Variants in MAML3 observed in about 807,000 individuals in gnomAD.
MAML3 encodes mastermind like transcriptional coactivator 3, also known as mastermind-like protein 3.
MAML3 carries 27 observed loss-of-function variants against 101.9 expected under a neutral mutation model. The ratio of observed to expected loss-of-function variants is 0.27; its 90% CI spans 0.20 to 0.37. The LOEUF (loss-of-function observed/expected upper bound fraction) is 0.37. Ranked by LOEUF, MAML3 falls within the 10% of genes least tolerant of loss-of-function variation. The probability of loss-of-function intolerance (pLI) is 1.00; values close to 1 mark genes in which losing one functional copy is unlikely to be tolerated. For missense variants in MAML3, 1,316 were observed against 1,444.9 expected, an observed-to-expected ratio of 0.91 and a Z score of 1.45; for synonymous variants, 501 against 555.9, an observed-to-expected ratio of 0.90 and a Z score of 1.39.
chr4:139,826,455 T>A (rs1731062521), intron 2 of MAML3, among the ~76,000 whole-genome samples: 1 of 152,132 alleles, frequency 6.6e-6, no homozygotes, highest in East Asian at 1.9e-4. Flanking sequence ...ACGAATCGCA[T>A]AACTAGGGAC....
intron 1 of MAML3, among the ~76,000 whole-genome samples, chr4:140,122,861 A>G (rs1299014584): frequency 6.6e-6 from 1 of 152,058 alleles, no homozygotes. Context: ...AAATCACACC[A>G]ATAGTTAACT....
chr4:140,072,408 T>C (rs1051356485), intron 1 of MAML3, among the ~76,000 whole-genome samples: 1 of 152,132 alleles, frequency 6.6e-6, no homozygotes, highest in Non-Finnish European at 1.5e-5. Flanking sequence ...TGGTGGCTCA[T>C]GCCTGTAATC....
chr4:139,953,226 A>G (rs1463284135), intron 1 of MAML3, among the ~76,000 whole-genome samples: 1 of 152,236 alleles, frequency 6.6e-6, no homozygotes, highest in Non-Finnish European at 1.5e-5. Context: ...GAAGGAAACT[A>G]GGAGACAGGA....
At chr4:140,108,113 C>T (rs566128678) in intron 1 of MAML3, among the ~76,000 whole-genome samples, 3 of 152,034 alleles carry the variant, frequency 2.0e-5, no homozygotes, top group Non-Finnish European at 4.4e-5. Flanking sequence ...ATACCTTTCC[C>T]CATCCTCTAT....
At chr4:139,844,246 GACA>G (rs895265530) in intron 2 of MAML3, among the ~76,000 whole-genome samples, 3 of 152,172 alleles carry the variant, frequency 2.0e-5, no homozygotes, top group African/African-American at 7.2e-5. Flanking sequence ...CATCATCAGA[GACA>G]ACATCTTATG....
At position 140,104,690 on chromosome 4, in the gene MAML3, G is replaced by A. The variant is rs560157182; in HGVS notation, c.468+48170C>T. ...GTGTTTTTTGTGGAGATGAGGTTTC[G>A]CCATGTTGCCCAGGCTGGTCTCAAA... On this transcript the variant is annotated intron_variant, in intron 1 of 4. Coordinates refer to ENST00000509479, the MANE Select transcript of MAML3 (RefSeq NM_018717.5). Among the ~76,000 whole-genome samples the A allele has an allele frequency of 3.3e-5, 5 of 150,800 alleles. No individual in the cohort carries two copies. In the East Asian group the frequency reaches 5.9e-4, roughly 18 times the overall value.
At chr4:140,144,675 G>A (rs943285146) in intron 1 of MAML3, among the ~76,000 whole-genome samples, 2 of 151,682 alleles carry the variant, frequency 1.3e-5, no homozygotes, top group South Asian at 2.1e-4. Context: ...AAACAATATA[G>A]CCATTAGCTC....
chr4:139,842,966 C>CG (rs1731388896), intron 2 of MAML3, among the ~76,000 whole-genome samples: 1 of 151,164 alleles, frequency 6.6e-6, no homozygotes, highest in South Asian at 2.1e-4. Context: ...CTAGTAAAGT[C>CG]GGGGGGTTTT....
chr4:140,106,227 T>C (rs1009133003), intron 1 of MAML3, among the ~76,000 whole-genome samples: 4 of 152,220 alleles, frequency 2.6e-5, no homozygotes, highest in Non-Finnish European at 2.9e-5. Context: ...TCTTTCTCTT[T>C]GATTAGACAT....
chr4:139,753,805 C>T (rs755162187), intron 2 of MAML3, among the ~76,000 whole-genome samples: 5 of 152,142 alleles, frequency 3.3e-5, no homozygotes, highest in African/African-American at 9.7e-5. Flanking sequence ...CCAGACACAG[C>T]GCTGGACACC....
intron 1 of MAML3, among the ~76,000 whole-genome samples, chr4:139,975,399 C>T (rs10857342): frequency 0.52 from 78,686 of 151,968 alleles, 23,143 homozygotes; most frequent in East Asian, 0.91. Flanking sequence ...AAAATTGCAG[C>T]CTACCCTTTC....
chr4:139,976,287 C>T (rs1332355151), intron 1 of MAML3, among the ~76,000 whole-genome samples: 1 of 152,052 alleles, frequency 6.6e-6, no homozygotes, highest in Non-Finnish European at 1.5e-5. Context: ...GTTTTCTCCT[C>T]CCCCAAAAAC....
chr4:139,996,701 G>GTC (rs1406886948), intron 1 of MAML3, among the ~76,000 whole-genome samples: 4 of 152,030 alleles, frequency 2.6e-5, no homozygotes, highest in Non-Finnish European at 5.9e-5. Flanking sequence ...GTGTGTGTGT[G>GTC]TGTGTGTTTT....
At chr4:140,041,979 C>CCT (rs2110909211) in intron 1 of MAML3, among the ~76,000 whole-genome samples, 1 of 152,284 alleles carries the variant, frequency 6.6e-6, no homozygotes, top group South Asian at 2.1e-4. Context: ...TAAGGTCTTA[C>CCT]TAGGTATAAG....
At chr4:139,813,918 T>C (rs71606857) in intron 2 of MAML3, among the ~76,000 whole-genome samples, 3,512 of 151,816 alleles carry the variant, frequency 0.023, 69 homozygotes, top group Non-Finnish European at 0.037. Context: ...CACAAAAAAC[T>C]GAGCAAGGAA....
chr4:140,068,490 T>C (rs746817441), intron 1 of MAML3, among the ~76,000 whole-genome samples: 3 of 152,086 alleles, frequency 2.0e-5, no homozygotes, highest in Non-Finnish European at 2.9e-5. Flanking sequence ...ACTGATTGAG[T>C]CATTTCTTAA....
intron 1 of MAML3, among the ~76,000 whole-genome samples, chr4:140,072,502 C>T (rs1727677010): frequency 3.3e-5 from 5 of 151,962 alleles, no homozygotes. Flanking sequence ...GAAACCTCGT[C>T]TCTACTAAAA....
At chr4:140,151,038 G>A (rs1729155101) in intron 1 of MAML3, among the ~76,000 whole-genome samples, 1 of 152,048 alleles carries the variant, frequency 6.6e-6, no homozygotes, top group African/African-American at 2.4e-5. Flanking sequence ...GGGGACAGCC[G>A]CGATGAAGCG....
At chr4:139,817,779 C>T (rs886657426) in intron 2 of MAML3, among the ~76,000 whole-genome samples, 1 of 152,212 alleles carries the variant, frequency 6.6e-6, no homozygotes, top group Non-Finnish European at 1.5e-5. Flanking sequence ...ACGCTGAAGC[C>T]ATCTGACCAG....
Sources: allele counts gnomAD v4.1 joint callset (sites outside exome capture counted in the v4.1 genomes callset), GRCh38; gene constraint gnomAD v4.1.1; transcripts MANE v1.5; gene names NCBI Gene and HGNC (gene_info 2026-07-23, HGNC 2026-07-21).